THAP10: variants seen among roughly 807,000 people sequenced by gnomAD.
THAP10 encodes the protein THAP domain containing 10.
A neutral mutation model predicts 15.7 loss-of-function variants in THAP10; 10 were observed. The ratio of observed to expected loss-of-function variants is 0.64; its 90% confidence interval spans 0.39 to 1.08. The LOEUF is 1.08. Among genes scored for constraint, THAP10 ranks in the 50% least tolerant of loss-of-function variants. The probability of loss-of-function intolerance (pLI) is 0.01; values close to 1 mark genes in which losing one functional copy is unlikely to be tolerated. For missense variants in THAP10, 310 were observed against 330.9 expected, an observed-to-expected ratio of 0.94 and a Z score of 0.49; for synonymous variants, 127 against 129.1, an observed-to-expected ratio of 0.98 and a Z score of 0.11.
chr15:70,885,354 G>C (rs999624282), intron 1 of THAP10, among the ~76,000 whole-genome samples: 28 of 152,130 alleles, frequency 1.8e-4, no homozygotes, highest in Non-Finnish European at 1.5e-4. Flanking sequence ...TGGATAGAAG[G>C]CATTAAGACA....
intron 1 of THAP10, among the ~76,000 whole-genome samples, chr15:70,884,971 C>A (rs1252991518): frequency 6.6e-6 from 1 of 152,120 alleles, no homozygotes; most frequent in Admixed American, 6.5e-5. Flanking sequence ...AGTTTTCCCA[C>A]TTATTTTATA....
intron 1 of THAP10, among the ~76,000 whole-genome samples, chr15:70,886,112 A>G (rs1458495089): frequency 6.6e-6 from 1 of 152,228 alleles, no homozygotes; most frequent in Non-Finnish European, 1.5e-5. Context: ...AATGGAAATT[A>G]GATATTTTAT....
In THAP10 at chr15:70,881,456, C is replaced by G. The variant is rs1266057328; in HGVS notation, c.*998G>C. ...AGGATAAAAATACATGCAAGTTCTT[C>G]TAATCATTCAGAACTAAGAAGACAT... On this transcript the variant is annotated 3_prime_UTR_variant, in exon 3 of 3. Coordinates refer to ENST00000249861, the MANE Select transcript of THAP10 (RefSeq NM_020147.4). 2.6e-5 allele frequency: 4 copies of G among 152,104 alleles called. No homozygotes were observed. Among genetic ancestry groups the G allele is most frequent in the African/African-American group, 9.7e-5 (4 of 41,416 alleles). The allele number at this position is 152,104 out of a possible 1,614,324, so 9.4% of individuals were successfully genotyped here.
At chr15:70,888,909 G>A (rs1328383968) in intron 1 of THAP10, among the ~76,000 whole-genome samples, 1 of 152,120 alleles carries the variant, frequency 6.6e-6, no homozygotes, top group East Asian at 1.9e-4. Flanking sequence ...ACATTACTAC[G>A]CACTCTGCAA....
rs2033275207 is a variant in THAP10, at chr15:70,882,000, C to G, written c.*454G>C. 6.5e-6 allele frequency: 1 copy of G among 153,954 alleles called. No homozygotes were observed. The highest frequency in any genetic ancestry group is 2.0e-4 in the South Asian group (1 of 4,920). The allele number at this position is 153,954 out of a possible 1,614,324, so 9.5% of individuals were successfully genotyped here. On this transcript the variant is annotated 3_prime_UTR_variant, in exon 3 of 3. Transcript: ENST00000249861. ...AAGGGTAGATGTCCTGGCTTCACTA[C>G]CAAATCATTTAGTAGTGTCAGGCTT...
chr15:70,882,876 T>C lies in THAP10; in HGVS notation c.462A>G (p.Gln154=), dbSNP rs1219821574. 5.6e-6 allele frequency: 9 copies of C among 1,613,928 alleles called. No individual in the cohort carries two copies. The highest frequency in any genetic ancestry group is 1.6e-4 in the Middle Eastern group (1 of 6,082). The change falls in exon 2 of 3, where the codon CAA becomes CAG. Residue 154 remains glutamine (Q), a synonymous_variant. Coordinates refer to ENST00000249861, the MANE Select transcript of THAP10 (RefSeq NM_020147.4). ...ITCENELVQT[Q]PHADNPSNTV... ...TATTAGATGGATTATCAGCATGGGG[T>C]TGGGTTTGCACAAGTTCATTTTCAC...
Position 70,891,901 on chromosome 15 carries a change from G to A in THAP10, c.372C>T (p.Ala124=), listed in dbSNP as rs544363825. 2.1e-4 allele frequency: 337 copies of A among 1,613,188 alleles called. 2 individuals are homozygous for A. The South Asian group carries it at 3.5e-3, about 17-fold the overall frequency. ...GGCGTGTACAGGAGACTGGACCTGG[G>A]GCAGCCTCAGAATGCCTGGCTGCCT... ...ELQAARHSEA[A]PGPVSCTRPR... is the part of the protein sequence containing the mutation. Residue 124 remains alanine, a synonymous_variant, in exon 1 of 3, where the codon GCC becomes GCT. Transcript: ENST00000249861.
In THAP10 at chr15:70,892,239, T is replaced by G; in HGVS notation, c.34A>C (p.Asn12His). 1.3e-6 allele frequency: 2 copies of G among 1,586,498 alleles called. No individual in the cohort carries two copies. Among genetic ancestry groups the G allele is most frequent in the Non-Finnish European group, 1.7e-6 (2 of 1,165,610 alleles). ...AGCGACTTCCCAGACTTGGTGGTGT[T>G]GCCGCAGTGGGCGGCCACACAACGG... is the stretch of plus-strand genomic sequence containing the variant. Reference protein sequence around the residue: ...PARCVAAHCGNTTKSGKSLFR... With the variant: ...PARCVAAHCGHTTKSGKSLFR... Residue 12 changes from asparagine to histidine, a missense_variant, in exon 1 of 3, where the codon AAC becomes CAC. Asn to His is a moderately conservative substitution (Grantham distance 68, BLOSUM62 1). Transcript: ENST00000249861.
chr15:70,883,058 T>C (rs2141084876), intron 1 of THAP10, 150 bp from the exon 2 acceptor site: 1 of 691,612 alleles, frequency 1.4e-6, no homozygotes, highest in Admixed American at 3.2e-5. Context: ...GGTGAATCTA[T>C]AGTCCAACCT....
At chr15:70,891,763 C>T in intron 1 of THAP10, 81 bp downstream of exon 1, 1 of 1,288,890 alleles carries the variant, frequency 7.8e-7, no homozygotes, top group Non-Finnish European at 1.0e-6. Context: ...AGATGAGGTG[C>T]CTTTCCCAAG....
In THAP10 at chr15:70,882,628, C is replaced by A. The variant is rs143098607; in HGVS notation, c.600G>T (p.Ala200=). The change falls in exon 3 of 3, where the codon GCG becomes GCT. Residue 200 remains alanine, a synonymous_variant. Transcript: ENST00000249861. The stretch of plus-strand genomic sequence containing the variant: ...TTGCATTACACAGTCTTTTTCCAAA[C>A]GCTTTCACTTTGGCTTGAATACCTG... ...RSVGIQAKVK[A]FGKRLCNATT... is the part of the protein sequence containing the mutation. 1.2e-6 allele frequency: 2 copies of A among 1,613,776 alleles called. No homozygotes were observed. The highest frequency in any genetic ancestry group is 1.7e-6 in the Non-Finnish European group (2 of 1,179,906).
At chr15:70,889,348 T>C (rs2033492338) in intron 1 of THAP10, among the ~76,000 whole-genome samples, 1 of 151,672 alleles carries the variant, frequency 6.6e-6, no homozygotes, top group Non-Finnish European at 1.5e-5. Flanking sequence ...ATGATTTGAT[T>C]TATATGAAAT....
At chr15:70,885,952 T>A (rs1010437657) in intron 1 of THAP10, among the ~76,000 whole-genome samples, 1 of 152,112 alleles carries the variant, frequency 6.6e-6, no homozygotes, top group African/African-American at 2.4e-5. Context: ...TCAACAAATT[T>A]CAAAAAATTA....
chr15:70,884,709 A>G (rs954133723), intron 1 of THAP10, among the ~76,000 whole-genome samples: 1 of 152,222 alleles, frequency 6.6e-6, no homozygotes, highest in African/African-American at 2.4e-5. Context: ...GAATAAACAC[A>G]TATTTCTTTA....
At chr15:70,888,448 T>C (rs1261794522) in intron 1 of THAP10, among the ~76,000 whole-genome samples, 1 of 152,112 alleles carries the variant, frequency 6.6e-6, no homozygotes, top group Non-Finnish European at 1.5e-5. Context: ...AGATGCTGAG[T>C]CAAATGGGTA....
intron 1 of THAP10, among the ~76,000 whole-genome samples, chr15:70,885,021 T>C (rs2033368371): frequency 6.6e-6 from 1 of 152,184 alleles, no homozygotes; most frequent in East Asian, 1.9e-4. Context: ...TAATTTTTAT[T>C]GCCACATAGG....
intron 1 of THAP10, 26 bp from the exon 2 acceptor site, chr15:70,882,934 CATATT>C (rs755198125): frequency 6.2e-7 from 1 of 1,612,382 alleles, no homozygotes; most frequent in Non-Finnish European, 8.5e-7. Context: ...AGAGGAGAAA[CATATT>C]AAAGTGTACC....
At chr15:70,890,742 G>A (rs1403598250) in intron 1 of THAP10, among the ~76,000 whole-genome samples, 5 of 152,128 alleles carry the variant, frequency 3.3e-5, no homozygotes, top group African/African-American at 1.2e-4. Flanking sequence ...AGTGGGAGGG[G>A]CATAGTTCCA....
intron 1 of THAP10, among the ~76,000 whole-genome samples, chr15:70,889,733 A>G (rs891133210): frequency 6.6e-5 from 10 of 152,226 alleles, no homozygotes; most frequent in African/African-American, 2.4e-4. Context: ...TATAGCACCA[A>G]GCACCCAGAA....
Sources: allele counts gnomAD v4.1 joint callset (sites outside exome capture counted in the v4.1 genomes callset), GRCh38; gene constraint gnomAD v4.1.1; transcripts MANE v1.5; gene names NCBI Gene and HGNC (gene_info 2026-07-23, HGNC 2026-07-21).